ANK3: variants seen among roughly 807,000 people sequenced by gnomAD.
The protein encoded by ANK3 is ankyrin 3.
In ANK3, 57 loss-of-function variants were observed where a neutral mutation model predicts 370.9. The ratio of observed to expected loss-of-function variants is 0.15; its 90% CI spans 0.12 to 0.19. The LOEUF (loss-of-function observed/expected upper bound fraction) is 0.19. Ranked by LOEUF, ANK3 falls within the 10% of genes least tolerant of loss-of-function variation. The pLI, the probability that ANK3 is intolerant of heterozygous loss-of-function variation, is 1.00. For missense variants in ANK3, 4,439 were observed against 5,302.1 expected, an observed-to-expected ratio of 0.84 and a Z score of 5.06; for synonymous variants, 1,929 against 1,946.3, an observed-to-expected ratio of 0.99 and a Z score of 0.23.
At chr10:60,235,282 T>C (rs1452283198) in intron 7 of ANK3, among the ~76,000 whole-genome samples, 9 of 152,204 alleles carry the variant, frequency 5.9e-5, no homozygotes, top group African/African-American at 2.2e-4. Flanking sequence ...CTTCTATACA[T>C]AGTCACATAA....
At chr10:60,096,949 C>A (rs940819049) in intron 28 of ANK3, among the ~76,000 whole-genome samples, 2 of 152,002 alleles carry the variant, frequency 1.3e-5, no homozygotes, top group Non-Finnish European at 2.9e-5. Flanking sequence ...ATGAAAAGAC[C>A]CTGAAATTCC....
chr10:60,365,576 T>C (rs1441432235), intron 1 of ANK3, among the ~76,000 whole-genome samples: 1 of 152,214 alleles, frequency 6.6e-6, no homozygotes, highest in Non-Finnish European at 1.5e-5. Flanking sequence ...TTGAGAAACT[T>C]TAAAAGTCTC....
At chr10:60,051,615 T>C in intron 42 of ANK3, 9 of 787,770 alleles carry the variant, frequency 1.1e-5, no homozygotes, top group Non-Finnish European at 1.4e-5. Flanking sequence ...ATAAAAGACA[T>C]TCTGAGAAGG....
intron 1 of ANK3, among the ~76,000 whole-genome samples, chr10:60,369,638 A>G (rs944046615): frequency 1.3e-5 from 2 of 152,196 alleles, no homozygotes; most frequent in Non-Finnish European, 2.9e-5. Flanking sequence ...ATGTCATTGT[A>G]TATCTCACAA....
intron 28 of ANK3, among the ~76,000 whole-genome samples, chr10:60,102,990 C>T (rs1035614469): frequency 6.6e-6 from 1 of 151,588 alleles, no homozygotes; most frequent in African/African-American, 2.4e-5. Context: ...GTCTTGCTGT[C>T]GTCAGGCTGG....
At chr10:60,424,509 C>T (rs568874080) in intron 2 of ANK3, among the ~76,000 whole-genome samples, 1 of 151,942 alleles carries the variant, frequency 6.6e-6, no homozygotes, top group Non-Finnish European at 1.5e-5. Flanking sequence ...GTCAATTACA[C>T]CAAACATTTT....
chr10:60,584,083 A>AT (rs1240135566), intron 2 of ANK3, among the ~76,000 whole-genome samples: 1 of 152,002 alleles, frequency 6.6e-6, no homozygotes, highest in Non-Finnish European at 1.5e-5. Flanking sequence ...CCTTTCCTTA[A>AT]CCTTAGCCCA....
At chr10:60,491,277 A>C (rs73257069) in intron 2 of ANK3, among the ~76,000 whole-genome samples, 19,814 of 152,188 alleles carry the variant, frequency 0.13, 1,512 homozygotes, top group African/African-American at 0.21. Context: ...GTGTTTGATG[A>C]AGAAACATAT....
At position 60,357,763 on chromosome 10, in the gene ANK3, C is replaced by G. The variant is rs142458534; in HGVS notation, c.114+31662G>C. The stretch of plus-strand genomic sequence containing the variant: ...AACCCTCTTCATTTTTCACTTCCAG[C>G]CATCCCTCATACTTCATAGAGAAAA... On this transcript the variant is annotated intron_variant, in intron 1 of 43. Transcript: ENST00000280772. Among the ~76,000 whole-genome samples, 52 of 152,224 alleles carry G rather than the reference C, an allele frequency of 3.4e-4. 1 individual carries two copies. Among genetic ancestry groups the G allele is most frequent in the African/African-American group, 1.2e-3 (51 of 41,546 alleles).
chr10:60,602,468 A>AT (rs888782809), intron 2 of ANK3, among the ~76,000 whole-genome samples: 1 of 152,186 alleles, frequency 6.6e-6, no homozygotes, highest in African/African-American at 2.4e-5. Context: ...TGAGTGACAT[A>AT]TATCAATTGG....
chr10:60,070,991 T>C lies in ANK3; in HGVS notation c.9890A>G (p.Glu3297Gly). Residue 3297 changes from glutamate (E) to glycine (G), a missense_variant, in exon 37 of 44, where the codon GAA becomes GGA. Physicochemically the swap from Glu to Gly is moderately conservative, Grantham distance 98. Transcript: ENST00000280772. This position sits in a 1 kb window ranked among gnomAD's most constrained non-coding sequence, Gnocchi z 5.7. ...QDEHDKYQLA[E>G]PVIRVQPPSP... ...AGGTGGCTGCACTCTAATGACAGGTTCAGCCAGCTGGTACTTGTCATGCTC... is the reference window on the plus strand; with the variant it reads ...AGGTGGCTGCACTCTAATGACAGGTCCAGCCAGCTGGTACTTGTCATGCTC... 1 of 1,614,132 alleles carries C rather than the reference T, an allele frequency of 6.2e-7. No homozygotes were observed. Among genetic ancestry groups the C allele is most frequent in the Non-Finnish European group, 8.5e-7 (1 of 1,180,010 alleles).
At chr10:60,182,274 G>C (rs2096215060) in intron 17 of ANK3, among the ~76,000 whole-genome samples, 1 of 152,086 alleles carries the variant, frequency 6.6e-6, no homozygotes, top group African/African-American at 2.4e-5. Flanking sequence ...GATCGCCTGT[G>C]AAATGTAATG....
chr10:60,393,285 T>C (rs2063150311), upstream of ANK3, among the ~76,000 whole-genome samples: 1 of 152,192 alleles, frequency 6.6e-6, no homozygotes. Flanking sequence ...GCCACCATAC[T>C]GCCCCAAAGA....
At chr10:60,046,268 T>C (rs779541285) in intron 42 of ANK3, among the ~76,000 whole-genome samples, 1 of 152,126 alleles carries the variant, frequency 6.6e-6, no homozygotes, top group Non-Finnish European at 1.5e-5. Context: ...AGTAAAGTCA[T>C]AAGGACAGCA....
At chr10:60,273,111 C>T (rs2098026571) in intron 4 of ANK3, among the ~76,000 whole-genome samples, 1 of 152,078 alleles carries the variant, frequency 6.6e-6, no homozygotes, top group African/African-American at 2.4e-5. Flanking sequence ...CTCTACATGC[C>T]CTGTTTTATG....
At chr10:60,465,937 A>T (rs2065003005) in intron 2 of ANK3, among the ~76,000 whole-genome samples, 1 of 151,890 alleles carries the variant, frequency 6.6e-6, no homozygotes, top group Non-Finnish European at 1.5e-5. Context: ...TACCCTAGAG[A>T]TCATCTCATA....
intron 1 of ANK3, among the ~76,000 whole-genome samples, chr10:60,308,975 A>C (rs1439832159): frequency 6.6e-6 from 1 of 152,226 alleles, no homozygotes; most frequent in Non-Finnish European, 1.5e-5. Flanking sequence ...GTAATCCAGG[A>C]GAATTCGAAT....
At chr10:60,569,677 T>C (rs2133263580) in intron 2 of ANK3, among the ~76,000 whole-genome samples, 1 of 152,306 alleles carries the variant, frequency 6.6e-6, no homozygotes, top group African/African-American at 2.4e-5. Flanking sequence ...GATGACTCCA[T>C]ATTAAATGTC....
At chr10:60,541,506 G>T (rs2076848400) in intron 2 of ANK3, among the ~76,000 whole-genome samples, 1 of 151,896 alleles carries the variant, frequency 6.6e-6, no homozygotes, top group African/African-American at 2.4e-5. Flanking sequence ...TGTAAAGAAA[G>T]AAATCTAGTG....
Sources: allele counts gnomAD v4.1 joint callset (sites outside exome capture counted in the v4.1 genomes callset), GRCh38; gene constraint gnomAD v4.1.1; non-coding constraint Gnocchi (gnomAD v3.1); transcripts MANE v1.5; gene names NCBI Gene and HGNC (gene_info 2026-07-23, HGNC 2026-07-21).